GALNT17: variants seen among roughly 807,000 people sequenced by gnomAD.
The protein encoded by GALNT17 is polypeptide N-acetylgalactosaminyltransferase 17.
Under a neutral mutation model 63.7 loss-of-function variants are expected in GALNT17, and 29 were observed. That is an observed-to-expected ratio of 0.46 (90% CI 0.34 to 0.62). GALNT17 has a LOEUF of 0.62. Among genes scored for constraint, GALNT17 ranks in the 20% least tolerant of loss-of-function variants. The pLI is 0.01. For missense variants in GALNT17, 603 were observed against 799.6 expected (o/e 0.75, Z 2.97); for synonymous variants, 305 against 318.3 (o/e 0.96, Z 0.45).
intron 1 of GALNT17, among the ~76,000 whole-genome samples, chr7:71,148,144 T>C (rs1176712252): frequency 6.6e-6 from 1 of 152,214 alleles, no homozygotes; most frequent in Non-Finnish European, 1.5e-5. Context: ...TAAAAACCCC[T>C]CTCTGTGTCA....
At position 71,214,934 on chromosome 7, in the gene GALNT17, A is replaced by G. The variant is rs7787162; in HGVS notation, c.238+81894A>G. 9.2e-3 allele frequency among the ~76,000 whole-genome samples: 1,405 copies of G among 152,312 alleles called. 20 individuals carry two copies. The highest frequency in any genetic ancestry group is 0.032 in the African/African-American group (1,342 of 41,572). ...ATGAAGATTAGGTTCCTTGTTGCAT[A>G]CATCATTTGCTCCCCTGCATTCATT... On this transcript the variant is annotated intron_variant, in intron 1 of 10. Transcript: ENST00000333538.
intron 1 of GALNT17, among the ~76,000 whole-genome samples, chr7:71,303,187 C>T (rs1304608253): frequency 1.3e-5 from 2 of 151,314 alleles, no homozygotes; most frequent in African/African-American, 4.9e-5. Context: ...GACAGGTTCT[C>T]GCTGTGTTGC....
chr7:71,699,806 AC>A (rs1462705511), intron 9 of GALNT17, among the ~76,000 whole-genome samples: 1 of 151,180 alleles, frequency 6.6e-6, no homozygotes, highest in Non-Finnish European at 1.5e-5. Context: ...TATGGCATGC[AC>A]CTGTAGTCCC....
intron 1 of GALNT17, among the ~76,000 whole-genome samples, chr7:71,257,276 A>G (rs1790306024): frequency 6.6e-6 from 1 of 152,152 alleles, no homozygotes; most frequent in Non-Finnish European, 1.5e-5. Context: ...TATTAAAAGG[A>G]ATGATAAAAA....
At chr7:71,686,762 T>G (rs1445841634) in intron 9 of GALNT17, among the ~76,000 whole-genome samples, 3 of 152,112 alleles carry the variant, frequency 2.0e-5, no homozygotes, top group Non-Finnish European at 4.4e-5. Flanking sequence ...AGAAGTTGCC[T>G]GTACACCTGC....
chr7:71,448,732 G>T (rs1475279041), intron 5 of GALNT17, among the ~76,000 whole-genome samples: 7 of 152,074 alleles, frequency 4.6e-5, no homozygotes, highest in Non-Finnish European at 8.8e-5. Context: ...AGGCGCAAAA[G>T]GATGCATTAC....
chr7:71,488,460 A>G (rs1054658416), intron 5 of GALNT17, among the ~76,000 whole-genome samples: 5 of 151,918 alleles, frequency 3.3e-5, no homozygotes, highest in Non-Finnish European at 7.4e-5. Context: ...TAGAAACACA[A>G]CCTGGAGTGG....
chr7:71,420,775 C>T (rs546108605), intron 4 of GALNT17, 133 bp from the exon 5 acceptor site: 21 of 1,058,462 alleles, frequency 2.0e-5, no homozygotes, highest in Admixed American at 1.1e-4. Context: ...CTGGGAGCCT[C>T]AGTTTGCATC....
intron 8 of GALNT17, among the ~76,000 whole-genome samples, chr7:71,673,164 T>G (rs1158391940): frequency 1.3e-5 from 2 of 152,178 alleles, no homozygotes; most frequent in African/African-American, 4.8e-5. Flanking sequence ...AGCTTGATAA[T>G]GACAGTCATA....
intron 5 of GALNT17, among the ~76,000 whole-genome samples, chr7:71,567,218 A>T (rs1789363683): frequency 6.6e-6 from 1 of 152,122 alleles, no homozygotes; most frequent in Non-Finnish European, 1.5e-5. Context: ...AAGAGCTGGG[A>T]GGAAATGATG....
chr7:71,211,690 G>A (rs1789380759), intron 1 of GALNT17, among the ~76,000 whole-genome samples: 1 of 152,192 alleles, frequency 6.6e-6, no homozygotes. Flanking sequence ...TGGACAATAA[G>A]GTCCAGGCTG....
chr7:71,207,609 C>CT (rs1789297647), intron 1 of GALNT17, among the ~76,000 whole-genome samples: 1 of 152,130 alleles, frequency 6.6e-6, no homozygotes, highest in African/African-American at 2.4e-5. Flanking sequence ...GCCACGTGGA[C>CT]TGCCTGAGCA....
chr7:71,265,098 T>TTTTA (rs144493671), intron 1 of GALNT17, among the ~76,000 whole-genome samples: 63 of 78,344 alleles, frequency 8.0e-4, no homozygotes, highest in East Asian at 2.0e-3. Flanking sequence ...CCCATAAATA[T>TTTTA]TATATATATA....
intron 1 of GALNT17, among the ~76,000 whole-genome samples, chr7:71,156,164 C>G (rs1282786509): frequency 6.6e-6 from 1 of 151,334 alleles, no homozygotes; most frequent in Admixed American, 6.6e-5. Context: ...CCATTGCACT[C>G]CAGCCTGGGC....
intron 6 of GALNT17, among the ~76,000 whole-genome samples, chr7:71,573,013 T>C (rs905856252): frequency 2.6e-5 from 4 of 151,946 alleles, no homozygotes; most frequent in African/African-American, 9.7e-5. Flanking sequence ...TATTTTATTT[T>C]ATTTTATTTT....
At chr7:71,207,663 G>A (rs1429394286) in intron 1 of GALNT17, among the ~76,000 whole-genome samples, 1 of 152,134 alleles carries the variant, frequency 6.6e-6, no homozygotes, top group Non-Finnish European at 1.5e-5. Flanking sequence ...ATGGGTAAGT[G>A]TCACTCGCAC....
intron 1 of GALNT17, among the ~76,000 whole-genome samples, chr7:71,248,277 C>G (rs191794382): frequency 4.5e-4 from 68 of 152,288 alleles, no homozygotes; most frequent in Admixed American, 2.8e-3. Flanking sequence ...AGGAAACTCC[C>G]ATGATCCAGT....
At chr7:71,631,706 G>C (rs1404955) in intron 6 of GALNT17, among the ~76,000 whole-genome samples, 1 of 151,980 alleles carries the variant, frequency 6.6e-6, no homozygotes, top group Non-Finnish European at 1.5e-5. Flanking sequence ...ACCATTTGCC[G>C]TCATGTAGAT....
chr7:71,520,778 C>T (rs368351519), intron 5 of GALNT17, among the ~76,000 whole-genome samples: 7 of 151,840 alleles, frequency 4.6e-5, no homozygotes, highest in Middle Eastern at 3.2e-3. Context: ...GTTTAGGAGG[C>T]GGGAGCAAGC....
Sources: gnomAD v4.1 joint callset for allele counts (sites outside exome capture counted in the v4.1 genomes callset) on GRCh38, gnomAD v4.1.1 for gene constraint, MANE v1.5 for transcripts, NCBI Gene and HGNC (gene_info 2026-07-23, HGNC 2026-07-21) for gene names.